The following MBTD1 variants were observed in gnomAD, a reference collection of about 807,000 sequenced individuals.
MBTD1 encodes the protein MBT domain-containing protein 1.
MBTD1 carries 24 observed loss-of-function variants against 87.8 expected under a neutral mutation model. The observed-to-expected ratio is 0.27, with a 90% confidence interval of 0.20 to 0.38. MBTD1 has a LOEUF of 0.38. Among genes scored for constraint, MBTD1 ranks in the 10% least tolerant of loss-of-function variants. The pLI is 1.00. For missense variants in MBTD1, 436 were observed against 760.2 expected (o/e 0.57, Z 5.02); for synonymous variants, 237 against 248.6 (o/e 0.95, Z 0.44).
In MBTD1 at chr17:51,239,097, CT is replaced by C. The variant is rs1362303076; in HGVS notation, c.-48-13889del. Among the ~76,000 whole-genome samples, 25 of 89,350 alleles carry C rather than the reference CT, an allele frequency of 2.8e-4. 1 individual carries two copies. Among genetic ancestry groups the C allele is most frequent in the African/African-American group, 1.3e-3 (25 of 18,624 alleles). The allele number at this position is 89,350 out of a possible 152,430, so 58.6% of individuals were successfully genotyped here. ...CTTGGGCGACCAAGCGAGTCTCCAT[CT>C]CAAAAAAAAAAAAAAGTCAATGAAC... is the stretch of plus-strand genomic sequence containing the variant. On this transcript the variant is annotated intron_variant, in intron 2 of 16. Transcript: ENST00000586178.
intron 7 of MBTD1, among the ~76,000 whole-genome samples, chr17:51,204,755 C>T (rs1033251908): frequency 6.6e-6 from 1 of 152,140 alleles, no homozygotes; most frequent in African/African-American, 2.4e-5. Context: ...CCCGCCTTGG[C>T]CTCCCAAAGG....
chr17:51,224,682 G>A (rs142522167), intron 3 of MBTD1, among the ~76,000 whole-genome samples: 19 of 152,264 alleles, frequency 1.2e-4, no homozygotes, highest in African/African-American at 4.1e-4. Flanking sequence ...GCCCAACCTC[G>A]AATGTCTCTT....
chr17:51,187,425 A>G (rs2050589097), intron 16 of MBTD1, among the ~76,000 whole-genome samples: 1 of 150,802 alleles, frequency 6.6e-6, no homozygotes, highest in Non-Finnish European at 1.5e-5. Context: ...AAAAAGTATC[A>G]CCCTTCAGCT....
At chr17:51,256,100 T>C (rs575840551) in intron 2 of MBTD1, among the ~76,000 whole-genome samples, 61 of 152,204 alleles carry the variant, frequency 4.0e-4, no homozygotes, top group African/African-American at 1.4e-3. Flanking sequence ...TTAAACATAG[T>C]GAAAAAGGAA....
At chr17:51,259,239 G>C (rs1487560017) in intron 1 of MBTD1, 33 bp from the exon 2 acceptor site, 4 of 1,230,894 alleles carry the variant, frequency 3.2e-6, no homozygotes, top group African/African-American at 3.1e-5. Flanking sequence ...TCACAAAGGA[G>C]AACGCAATGG....
intron 3 of MBTD1, among the ~76,000 whole-genome samples, chr17:51,224,599 T>C (rs933889860): frequency 2.6e-5 from 4 of 152,196 alleles, no homozygotes; most frequent in African/African-American, 9.7e-5. Flanking sequence ...AGAAATTCCT[T>C]ACTGAGTCAG....
chr17:51,238,221 T>C (rs1196087334), intron 2 of MBTD1, among the ~76,000 whole-genome samples: 1 of 152,166 alleles, frequency 6.6e-6, no homozygotes, highest in East Asian at 1.9e-4. Flanking sequence ...TTTAATTTTG[T>C]CAATTTTTAC....
At chr17:51,250,964 T>C (rs1025256527) in intron 2 of MBTD1, 1 of 152,214 alleles carries the variant, frequency 6.6e-6, no homozygotes, top group African/African-American at 2.4e-5. Flanking sequence ...TTGGTTATGA[T>C]TTTATCTTCT....
chr17:51,237,456 T>G (rs1347584004), intron 2 of MBTD1, among the ~76,000 whole-genome samples: 1 of 152,150 alleles, frequency 6.6e-6, no homozygotes, highest in African/African-American at 2.4e-5. Flanking sequence ...GGTTTGTATC[T>G]AGAAACATAA....
upstream of MBTD1, chr17:51,260,495 G>T: frequency 2.1e-6 from 3 of 1,408,594 alleles, no homozygotes; most frequent in East Asian, 2.4e-5. Context: ...TCCGGCCCCC[G>T]GGGCTTCGGC....
chr17:51,237,876 TA>T (rs1167867250), intron 2 of MBTD1, among the ~76,000 whole-genome samples: 1 of 152,184 alleles, frequency 6.6e-6, no homozygotes, highest in Non-Finnish European at 1.5e-5. Context: ...GGAAACAATT[TA>T]AATGCCCATC....
rs1367390766 is a variant in MBTD1, at chr17:51,195,936, C to T, written c.1225-575G>A. ...CAACTCTCCCTTTTTGAGACAAGGT[C>T]TCGCTCTGTCACTCAGGCTGGAGTG... On this transcript the variant is annotated intron_variant, in intron 12 of 16. Transcript: ENST00000586178. 2.0e-5 allele frequency among the ~76,000 whole-genome samples: 3 copies of T among 152,180 alleles called. No homozygotes were observed. The East Asian group carries it at 5.8e-4, about 29-fold the overall frequency.
intron 6 of MBTD1, among the ~76,000 whole-genome samples, chr17:51,213,898 G>C (rs2052404501): frequency 1.3e-5 from 2 of 150,816 alleles, no homozygotes; most frequent in Non-Finnish European, 2.9e-5. Flanking sequence ...GGGAATTCTT[G>C]CCAATGTATG....
At chr17:51,190,061 C>T (rs912328505) in intron 16 of MBTD1, among the ~76,000 whole-genome samples, 2 of 152,162 alleles carry the variant, frequency 1.3e-5, no homozygotes, top group African/African-American at 4.8e-5. Context: ...TTTCAAAGTA[C>T]TACTATAGTG....
intron 16 of MBTD1, chr17:51,184,861 A>C (rs2050463508): frequency 6.6e-6 from 1 of 152,264 alleles, no homozygotes; most frequent in Admixed American, 6.5e-5. Flanking sequence ...CGCTCTTTAG[A>C]CTTTGAACAT....
chr17:51,188,780 A>C (rs1441843146), intron 16 of MBTD1, among the ~76,000 whole-genome samples: 2 of 94,778 alleles, frequency 2.1e-5, no homozygotes, highest in South Asian at 6.9e-4. Flanking sequence ...TTTTTTTGAG[A>C]GGGAGTTTTG....
intron 2 of MBTD1, among the ~76,000 whole-genome samples, chr17:51,249,230 A>C (rs1175999669): frequency 6.6e-6 from 1 of 151,910 alleles, no homozygotes; most frequent in African/African-American, 2.4e-5. Flanking sequence ...ACTGTACTGC[A>C]GCCTGGGAGA....
At chr17:51,193,071 C>A in intron 14 of MBTD1, 55 bp from the exon 15 acceptor site, 2 of 1,195,978 alleles carry the variant, frequency 1.7e-6, no homozygotes, top group Non-Finnish European at 1.2e-6. Flanking sequence ...AATGCACAAC[C>A]CTACTATCAC....
chr17:51,199,079 A>AGCCACCTGCCTGGCTAACATT (rs1342195195), intron 12 of MBTD1, among the ~76,000 whole-genome samples: 1 of 152,022 alleles, frequency 6.6e-6, no homozygotes, highest in East Asian at 1.9e-4. Context: ...TACAGGCATG[A>AGCCACCTGCCTGGCTAACATT]GGCACTGCAC....
Sources: allele counts gnomAD v4.1 joint callset (sites outside exome capture counted in the v4.1 genomes callset), GRCh38; gene constraint gnomAD v4.1.1; transcripts MANE v1.5; gene names NCBI Gene and HGNC (gene_info 2026-07-23, HGNC 2026-07-21).